Variants in IGF2BP2 observed in about 807,000 individuals in gnomAD.
The protein encoded by IGF2BP2 is insulin like growth factor 2 mRNA binding protein 2, also known as insulin-like growth factor 2 mRNA-binding protein 2.
A neutral mutation model predicts 75.8 loss-of-function variants in IGF2BP2; 17 were observed. The observed-to-expected ratio is 0.22, with a 90% CI of 0.15 to 0.34. The LOEUF is 0.34. Ranked by LOEUF, IGF2BP2 falls within the 10% of genes least tolerant of loss-of-function variation. The probability of loss-of-function intolerance (pLI) is 1.00; values close to 1 mark genes in which losing one functional copy is unlikely to be tolerated. For missense variants in IGF2BP2, 516 were observed against 772.4 expected, an observed-to-expected ratio of 0.67 and a Z score of 3.93; for synonymous variants, 288 against 295.6, an observed-to-expected ratio of 0.97 and a Z score of 0.26.
intron 2 of IGF2BP2, among the ~76,000 whole-genome samples, chr3:185,785,249 C>T (rs1436754076): frequency 2.0e-5 from 3 of 148,492 alleles, no homozygotes; most frequent in South Asian, 2.1e-4. Flanking sequence ...TGTAGTGAGC[C>T]GAGATCACGC....
At chr3:185,710,428 G>A (rs1724639320) in intron 2 of IGF2BP2, among the ~76,000 whole-genome samples, 1 of 152,180 alleles carries the variant, frequency 6.6e-6, no homozygotes, top group African/African-American at 2.4e-5. Context: ...GAAGGGATAT[G>A]CTGAAGAAAG....
intron 13 of IGF2BP2, 85 bp from the exon 14 acceptor site, chr3:185,649,619 C>T: frequency 6.4e-7 from 1 of 1,559,988 alleles, no homozygotes; most frequent in Non-Finnish European, 8.7e-7. Flanking sequence ...CTGGAGAGTC[C>T]AGACAATGGG....
intron 2 of IGF2BP2, chr3:185,716,865 G>C (rs1358723185): frequency 2.0e-6 from 1 of 488,534 alleles, no homozygotes; most frequent in East Asian, 5.5e-5. Context: ...GCCCTTACCT[G>C]GTGGCTTGTT....
intron 2 of IGF2BP2, among the ~76,000 whole-genome samples, chr3:185,822,737 A>C (rs1741520036): frequency 6.6e-6 from 1 of 151,968 alleles, no homozygotes; most frequent in Non-Finnish European, 1.5e-5. Flanking sequence ...GAGAAAAGTA[A>C]TTAATCGCTA....
intron 12 of IGF2BP2, among the ~76,000 whole-genome samples, chr3:185,654,555 TGAAA>T (rs1455448264): frequency 6.6e-6 from 1 of 152,228 alleles, no homozygotes; most frequent in Non-Finnish European, 1.5e-5. Context: ...GCTCAGATTC[TGAAA>T]GAAACCTCCG....
At chr3:185,659,417 A>G (rs1716037860) in intron 10 of IGF2BP2, among the ~76,000 whole-genome samples, 2 of 152,224 alleles carry the variant, frequency 1.3e-5, no homozygotes. Flanking sequence ...TCTTTCGCCC[A>G]GGCTGGAGTG....
At chr3:185,772,577 C>CTTTTTTTTTT (rs368068706) in intron 2 of IGF2BP2, among the ~76,000 whole-genome samples, 1 of 118,204 alleles carries the variant, frequency 8.5e-6, no homozygotes, top group Non-Finnish European at 1.7e-5. Context: ...CCTTCTCTCT[C>CTTTTTTTTTT]TTTTTTTTTT....
rs539802545 is a variant in IGF2BP2 at position 185,679,887 on chromosome 3, T to G, written c.813-3974A>C. On this transcript the variant is annotated intron_variant, in intron 7 of 15. Coordinates refer to ENST00000382199, the MANE Select transcript of IGF2BP2 (RefSeq NM_006548.6). ...CCTCGGCCTCCCAAAGTGTTGGGAT[T>G]TATAGGCATGAGCCACTTCACCCGG... Among the ~76,000 whole-genome samples the G allele has an allele frequency of 5.9e-4, 90 of 152,304 alleles. 2 individuals are homozygous for G. The Middle Eastern group carries it at 0.027, about 46-fold the overall frequency.
chr3:185,748,706 T>C (rs891742414), intron 2 of IGF2BP2, among the ~76,000 whole-genome samples: 36 of 152,202 alleles, frequency 2.4e-4, no homozygotes, highest in African/African-American at 8.7e-4. Flanking sequence ...CCCCACAGCA[T>C]TCAAAAGTCA....
At position 185,754,555 on chromosome 3, in the gene IGF2BP2, G is replaced by C. The variant is rs146242081; in HGVS notation, c.240-56208C>G. On this transcript the variant is annotated intron_variant, in intron 2 of 15. Transcript: ENST00000382199. ...TCTGGGTAATGGGCAGAGGATGGAA[G>C]AGTTTGGAGGCTCAGAAGAAGACAT... is the stretch of plus-strand genomic sequence containing the variant. 7.9e-3 allele frequency among the ~76,000 whole-genome samples: 1,200 copies of C among 152,316 alleles called. 15 individuals are homozygous for C. The highest frequency in any genetic ancestry group is 0.017 in the Middle Eastern group (5 of 294).
intron 10 of IGF2BP2, among the ~76,000 whole-genome samples, chr3:185,669,071 G>A (rs1718114667): frequency 6.6e-6 from 1 of 152,074 alleles, no homozygotes; most frequent in South Asian, 2.1e-4. Flanking sequence ...ATTTAAAAAA[G>A]CATATATTTT....
intron 2 of IGF2BP2, among the ~76,000 whole-genome samples, chr3:185,703,772 CAAAA>C (rs1175489183): frequency 4.6e-5 from 7 of 151,972 alleles, no homozygotes; most frequent in African/African-American, 1.4e-4. Flanking sequence ...GAAACTGTCT[CAAAA>C]GAAAGAAAGA....
intron 2 of IGF2BP2, among the ~76,000 whole-genome samples, chr3:185,711,345 A>G (rs911189305): frequency 6.6e-6 from 1 of 152,140 alleles, no homozygotes; most frequent in Admixed American, 6.5e-5. Flanking sequence ...TAGGCTAGTG[A>G]CATGTGCACC....
chr3:185,660,516 A>T (rs1716250221), intron 10 of IGF2BP2, among the ~76,000 whole-genome samples: 1 of 152,208 alleles, frequency 6.6e-6, no homozygotes, highest in African/African-American at 2.4e-5. Context: ...GTAGGTTACC[A>T]GCCACGCCTG....
At chr3:185,770,201 G>A (rs1459060797) in intron 2 of IGF2BP2, among the ~76,000 whole-genome samples, 2 of 152,164 alleles carry the variant, frequency 1.3e-5, no homozygotes, top group Non-Finnish European at 1.5e-5. Flanking sequence ...TGGCGGGCGT[G>A]TAATTTACAT....
chr3:185,747,825 T>TC (rs776913312), intron 2 of IGF2BP2, among the ~76,000 whole-genome samples: 3,329 of 134,468 alleles, frequency 0.025, 176 homozygotes, highest in South Asian at 0.24. Flanking sequence ...TTTATTTTAT[T>TC]TTATTCTACT....
At chr3:185,704,804 TCA>T (rs1201175712) in intron 2 of IGF2BP2, among the ~76,000 whole-genome samples, 1 of 152,122 alleles carries the variant, frequency 6.6e-6, no homozygotes, top group Non-Finnish European at 1.5e-5. Context: ...CACGGGAGGA[TCA>T]CAGAGACTGA....
intron 2 of IGF2BP2, among the ~76,000 whole-genome samples, chr3:185,726,825 G>T (rs777652658): frequency 2.6e-5 from 4 of 152,174 alleles, no homozygotes; most frequent in African/African-American, 4.8e-5. Context: ...TGGGGAGGCT[G>T]TGAAAATAGA....
At chr3:185,713,612 G>A (rs577750910) in intron 2 of IGF2BP2, 1 of 419,150 alleles carries the variant, frequency 2.4e-6, no homozygotes, top group African/African-American at 2.0e-5. Context: ...TTGCGATTCT[G>A]TGGATCTCAG....
Sources: gnomAD v4.1 joint callset for allele counts (sites outside exome capture counted in the v4.1 genomes callset) on GRCh38, gnomAD v4.1.1 for gene constraint, MANE v1.5 for transcripts, NCBI Gene and HGNC (gene_info 2026-07-23, HGNC 2026-07-21) for gene names.